Variants in SLC39A10 observed in about 807,000 individuals in gnomAD.
SLC39A10 encodes solute carrier family 39 member 10, also known as zinc transporter ZIP10.
SLC39A10 carries 13 observed loss-of-function variants against 65.1 expected under a neutral mutation model. That is an observed-to-expected ratio of 0.20 (90% CI 0.13 to 0.32). SLC39A10 has a LOEUF of 0.32. Ranked by LOEUF, SLC39A10 falls within the 10% of genes least tolerant of loss-of-function variation. The probability of loss-of-function intolerance (pLI) is 1.00; values close to 1 mark genes in which losing one functional copy is unlikely to be tolerated. For missense variants in SLC39A10, 831 were observed against 1,018.4 expected (o/e 0.82, Z 2.50); for synonymous variants, 321 against 342.2 (o/e 0.94, Z 0.68).
intron 3 of SLC39A10, among the ~76,000 whole-genome samples, chr2:195,684,912 TTTAC>T (rs1690465788): frequency 6.6e-6 from 1 of 152,196 alleles, no homozygotes; most frequent in African/African-American, 2.4e-5. Context: ...TTAAATCTTA[TTTAC>T]TTAAACACAT....
intron 2 of SLC39A10, among the ~76,000 whole-genome samples, chr2:195,631,384 T>A (rs1688583092): frequency 6.6e-6 from 1 of 152,178 alleles, no homozygotes; most frequent in Non-Finnish European, 1.5e-5. Flanking sequence ...AACGAAATTG[T>A]AACATAATTC....
chr2:195,731,355 CTAAAATT>C (rs1692427401), intron 9 of SLC39A10, among the ~76,000 whole-genome samples: 1 of 152,114 alleles, frequency 6.6e-6, no homozygotes, highest in Admixed American at 6.6e-5. Context: ...GGCATCTTAT[CTAAAATT>C]TAAATCTCCC....
intron 8 of SLC39A10, among the ~76,000 whole-genome samples, chr2:195,718,949 A>G (rs1346785715): frequency 2.0e-5 from 3 of 151,738 alleles, no homozygotes; most frequent in African/African-American, 7.3e-5. Context: ...ATATATTTTA[A>G]TATTATAATC....
At chr2:195,718,214 C>T (rs1345159630) in intron 7 of SLC39A10, 38 bp from the exon 8 acceptor site, 3 of 1,541,568 alleles carry the variant, frequency 1.9e-6, no homozygotes, top group Non-Finnish European at 2.7e-6. Context: ...GAGTTAAGAT[C>T]AGCAAACCTC....
intron 2 of SLC39A10, among the ~76,000 whole-genome samples, chr2:195,625,851 G>T (rs1439500734): frequency 1.3e-5 from 2 of 152,136 alleles, no homozygotes; most frequent in African/African-American, 4.8e-5. Flanking sequence ...CTGTCACCTG[G>T]GCAGGAGAGC....
chr2:195,679,916 A>G (rs995667466), intron 1 of SLC39A10, 116 bp from the exon 2 acceptor site: 2 of 731,328 alleles, frequency 2.7e-6, no homozygotes, highest in Admixed American at 6.8e-5. Context: ...ATATTTTATC[A>G]TGAAGGAAAT....
intron 6 of SLC39A10, among the ~76,000 whole-genome samples, chr2:195,715,762 G>A (rs1335882202): frequency 2.6e-5 from 4 of 152,110 alleles, no homozygotes; most frequent in East Asian, 1.9e-4. Flanking sequence ...CTTAATAAAC[G>A]TGAAGTCAGA....
At chr2:195,660,221 AG>A (rs1689334184) in intron 1 of SLC39A10, among the ~76,000 whole-genome samples, 1 of 152,218 alleles carries the variant, frequency 6.6e-6, no homozygotes, top group Non-Finnish European at 1.5e-5. Context: ...TGCTTACCTC[AG>A]TATTGGAAAT....
intron 9 of SLC39A10, among the ~76,000 whole-genome samples, chr2:195,733,756 C>G (rs1460004447): frequency 6.6e-6 from 1 of 152,054 alleles, no homozygotes; most frequent in African/African-American, 2.4e-5. Flanking sequence ...TCTCAAACTC[C>G]CGACCTCAGT....
At chr2:195,666,510 G>A (rs1689642238) in intron 1 of SLC39A10, among the ~76,000 whole-genome samples, 1 of 152,218 alleles carries the variant, frequency 6.6e-6, no homozygotes, top group Non-Finnish European at 1.5e-5. Flanking sequence ...CCAGGCTGGA[G>A]TATAGTGGTA....
At position 195,728,480 on chromosome 2, in the gene SLC39A10, A is replaced by T. The variant is rs1409938713; in HGVS notation, c.2337+131A>T. 1 of 849,668 alleles carries T rather than the reference A, an allele frequency of 1.2e-6. No homozygotes were observed. The highest frequency in any genetic ancestry group is 1.7e-6 in the Non-Finnish European group (1 of 575,514). The allele number at this position is 849,668 out of a possible 1,614,324, so 52.6% of individuals were successfully genotyped here. On this transcript the variant is annotated intron_variant, in intron 9 of 9. Transcript: ENST00000359634. This position sits in a 1 kb window ranked among gnomAD's most constrained non-coding sequence, Gnocchi z 4.4. ...ACATAATATCCTAAATAATCTCTTA[A>T]GGAAGGACATTTAAGTAGGAGGTTT...
intron 7 of SLC39A10, 23 bp from the exon 8 acceptor site, chr2:195,718,226 CTTG>C: frequency 2.5e-6 from 4 of 1,587,716 alleles, no homozygotes; most frequent in Non-Finnish European, 3.4e-6. Flanking sequence ...GCAAACCTCA[CTTG>C]TTTTTTTTCT....
At chr2:195,688,956 C>T (rs1316673459) in intron 3 of SLC39A10, among the ~76,000 whole-genome samples, 1 of 152,092 alleles carries the variant, frequency 6.6e-6, no homozygotes, top group Admixed American at 6.6e-5. Context: ...AGTTAGTAAT[C>T]CTTCCTACTT....
intron 4 of SLC39A10, 61 bp downstream of exon 4, chr2:195,706,846 C>A: frequency 8.3e-7 from 1 of 1,209,208 alleles, no homozygotes; most frequent in South Asian, 2.0e-5. Flanking sequence ...CTGAAAGGGT[C>A]CTTCATTAGC....
At chr2:195,647,566 C>A (rs1343386742) in intron 2 of SLC39A10, among the ~76,000 whole-genome samples, 1 of 151,978 alleles carries the variant, frequency 6.6e-6, no homozygotes, top group Non-Finnish European at 1.5e-5. Context: ...AGTCAGACTT[C>A]AGATGTGACT....
intron 3 of SLC39A10, among the ~76,000 whole-genome samples, chr2:195,694,479 C>T (rs933267151): frequency 1.3e-5 from 2 of 152,158 alleles, no homozygotes; most frequent in Admixed American, 6.5e-5. Context: ...CTCCCCCTTT[C>T]CTTAGGGGAG....
intron 9 of SLC39A10, 52 bp from the exon 10 acceptor site, chr2:195,734,831 G>A (rs542810964): frequency 6.7e-7 from 1 of 1,495,906 alleles, no homozygotes; most frequent in African/African-American, 1.4e-5. Context: ...TTTAAAAACT[G>A]TTTTGAGCAG....
At chr2:195,674,337 G>T (rs887119684) in intron 1 of SLC39A10, among the ~76,000 whole-genome samples, 2 of 152,082 alleles carry the variant, frequency 1.3e-5, no homozygotes, top group African/African-American at 4.8e-5. Flanking sequence ...GAGTGCAATG[G>T]CATGATCTCG....
At chr2:195,675,824 T>C (rs1559027930) in intron 1 of SLC39A10, among the ~76,000 whole-genome samples, 1 of 152,200 alleles carries the variant, frequency 6.6e-6, no homozygotes, top group Non-Finnish European at 1.5e-5. Flanking sequence ...CATATTTGGC[T>C]GTAGTAAATG....
Sources: gnomAD v4.1 joint callset for allele counts (sites outside exome capture counted in the v4.1 genomes callset) on GRCh38, gnomAD v4.1.1 for gene constraint, Gnocchi (gnomAD v3.1) non-coding constraint, MANE v1.5 for transcripts, NCBI Gene and HGNC (gene_info 2026-07-23, HGNC 2026-07-21) for gene names.